CES5A: variants seen among roughly 807,000 people sequenced by gnomAD.
CES5A encodes the protein carboxylesterase 5.
CES5A carries 67 observed loss-of-function variants against 62.9 expected under a neutral mutation model. The ratio of observed to expected loss-of-function variants is 1.07; its 90% CI spans 0.88 to 1.31. The LOEUF (loss-of-function observed/expected upper bound fraction) is 1.31. Ranked by LOEUF, CES5A falls within the 50% of genes most tolerant of loss-of-function variation. The probability of loss-of-function intolerance (pLI) is 0.00; values close to 1 mark genes in which losing one functional copy is unlikely to be tolerated. For missense variants in CES5A, 748 were observed against 708.5 expected, an observed-to-expected ratio of 1.06 and a Z score of -0.63; for synonymous variants, 296 against 280.8, an observed-to-expected ratio of 1.05 and a Z score of -0.54.
At chr16:55,873,307 C>T (rs904542563) in intron 2 of CES5A, among the ~76,000 whole-genome samples, 2 of 152,114 alleles carry the variant, frequency 1.3e-5, no homozygotes, top group Admixed American at 6.5e-5. Context: ...GTTCATTCCA[C>T]GGGTATTTAT....
chr16:55,930,540 C>T (rs1381713519), intron 2 of CES5A, among the ~76,000 whole-genome samples: 1 of 152,176 alleles, frequency 6.6e-6, no homozygotes, highest in Non-Finnish European at 1.5e-5. Context: ...ATGCCTTGTG[C>T]CACCTTGGGA....
intron 3 of CES5A, among the ~76,000 whole-genome samples, chr16:55,871,244 C>T (rs772360888): frequency 1.3e-5 from 2 of 152,120 alleles, no homozygotes; most frequent in Non-Finnish European, 2.9e-5. Flanking sequence ...ACATGATTAC[C>T]TGACTGTCTT....
In CES5A at chr16:55,882,843, GCCTCCAGAGGGCTGGCCA is replaced by G. The variant is rs556522302; in HGVS notation, c.-255-8824_-255-8807del. 5.6e-3 allele frequency among the ~76,000 whole-genome samples: 852 copies of G among 152,300 alleles called. 9 individuals are homozygous for G. Among genetic ancestry groups the G allele is most frequent in the African/African-American group, 0.02 (814 of 41,572 alleles). On this transcript the variant is annotated intron_variant, in intron 1 of 12. Transcript: ENST00000518005. The stretch of plus-strand genomic sequence containing the variant: ...TATCTCCCACCCTCTGGAGCACAAA[GCCTCCAGAGGGCTGGCCA>G]CCTCTTGCTCATCCTGTCCATTGAG...
intron 9 of CES5A, among the ~76,000 whole-genome samples, chr16:55,855,087 T>C (rs1833182): frequency 0.81 from 122,844 of 152,142 alleles, 49,688 homozygotes; most frequent in East Asian, 0.91. Flanking sequence ...CCAAGAGAGC[T>C]GCCTGTCCCC....
chr16:55,850,242 C>A (rs146150114), intron 10 of CES5A, among the ~76,000 whole-genome samples: 384 of 152,204 alleles, frequency 2.5e-3, no homozygotes, highest in South Asian at 0.023. Flanking sequence ...GAAATCTGCC[C>A]CTTGAACCAT....
intron 4 of CES5A, among the ~76,000 whole-genome samples, chr16:55,867,290 C>A (rs1424847288): frequency 6.6e-6 from 1 of 152,212 alleles, no homozygotes; most frequent in Non-Finnish European, 1.5e-5. Flanking sequence ...TGCCCAAGAG[C>A]TAGAAAGCTG....
intron 1 of CES5A, among the ~76,000 whole-genome samples, chr16:55,889,133 A>G (rs1387509673): frequency 1.3e-5 from 2 of 151,850 alleles, no homozygotes; most frequent in Non-Finnish European, 2.9e-5. Flanking sequence ...GGCCTAAGAC[A>G]TAGAAAAAAA....
intron 1 of CES5A, among the ~76,000 whole-genome samples, chr16:55,889,673 T>C (rs1313961225): frequency 1.3e-5 from 2 of 151,782 alleles, no homozygotes; most frequent in Non-Finnish European, 2.9e-5. Context: ...TTTTTTTTAA[T>C]GGAGGCTTTA....
chr16:55,940,176 G>T (rs1436011459), intron 2 of CES5A, among the ~76,000 whole-genome samples: 2 of 151,952 alleles, frequency 1.3e-5, no homozygotes, highest in Non-Finnish European at 2.9e-5. Flanking sequence ...CCAGGAGAAA[G>T]AAAGCAGTAA....
chr16:55,866,178 G>A, intron 4 of CES5A, 62 bp from the exon 5 acceptor site: 3 of 1,534,676 alleles, frequency 2.0e-6, no homozygotes, highest in Non-Finnish European at 2.6e-6. Flanking sequence ...CACAGCCCTG[G>A]AAGTTCTCAG....
chr16:55,916,178 A>C (rs1445947134), intron 1 of CES5A, among the ~76,000 whole-genome samples: 1 of 152,166 alleles, frequency 6.6e-6, no homozygotes. Context: ...AGAAATGCAA[A>C]CACCTGAAAA....
chr16:55,954,439 G>A (rs747163819), intron 1 of CES5A, among the ~76,000 whole-genome samples: 5 of 152,296 alleles, frequency 3.3e-5, no homozygotes, highest in Non-Finnish European at 7.4e-5. Context: ...GCTCAGGAGC[G>A]GGAGAGGAGA....
intron 1 of CES5A, among the ~76,000 whole-genome samples, chr16:55,911,162 G>C (rs2034088422): frequency 6.6e-6 from 1 of 152,108 alleles, no homozygotes; most frequent in African/African-American, 2.4e-5. Context: ...CCATCTTGTT[G>C]CTCTGCCCCA....
rs747900232 is a variant in CES5A at position 55,873,936 on chromosome 16, C to A, written c.175G>T (p.Gly59Ter). The change falls in exon 2 of 13, where the codon GGA becomes TGA. Residue 59 changes from glycine (G) to a stop codon, truncating the protein, a stop_gained. Coordinates refer to ENST00000290567, the MANE Select transcript of CES5A (RefSeq NM_001143685.2). LOFTEE classifies it high-confidence loss of function. ...GSPVPVNVFL[G>*]VPFAAPPLGS... The stretch of plus-strand genomic sequence containing the variant: ...AGCGGGGGAGCAGCAAAGGGGACTC[C>A]GAGGAACACGTTCACAGGCACAGGG... 6.2e-7 allele frequency: 1 copy of A among 1,613,744 alleles called. No homozygotes were observed. Among genetic ancestry groups the A allele is most frequent in the Non-Finnish European group, 8.5e-7 (1 of 1,179,944 alleles).
intron 9 of CES5A, among the ~76,000 whole-genome samples, 154 bp from the exon 10 acceptor site, chr16:55,853,182 C>G (rs1346931063): frequency 6.6e-6 from 1 of 152,216 alleles, no homozygotes; most frequent in Non-Finnish European, 1.5e-5. Context: ...AAAACTAGCC[C>G]TGTTTCACAG....
intron 1 of CES5A, among the ~76,000 whole-genome samples, chr16:55,913,107 C>G (rs1296208037): frequency 1.3e-5 from 2 of 152,168 alleles, no homozygotes; most frequent in African/African-American, 4.8e-5. Flanking sequence ...TTTCCCCGAG[C>G]ATTCAGGGAT....
chr16:55,923,078 T>C (rs1281633880), intron 1 of CES5A, among the ~76,000 whole-genome samples: 1 of 151,418 alleles, frequency 6.6e-6, no homozygotes, highest in Non-Finnish European at 1.5e-5. Flanking sequence ...CACTTATATT[T>C]AAAAAGTAGA....
upstream of CES5A, among the ~76,000 whole-genome samples, chr16:55,877,184 T>A (rs559952862): frequency 2.6e-5 from 4 of 152,140 alleles, no homozygotes; most frequent in Admixed American, 1.3e-4. Context: ...ATCCCATAAC[T>A]CACACAGCCA....
intron 8 of CES5A, among the ~76,000 whole-genome samples, chr16:55,858,873 A>C (rs1341789157): frequency 6.6e-6 from 1 of 152,122 alleles, no homozygotes; most frequent in Admixed American, 6.5e-5. Context: ...CAGCTCAACA[A>C]TCACTCCCTA....
Sources: gnomAD v4.1 joint callset for allele counts (sites outside exome capture counted in the v4.1 genomes callset) on GRCh38, gnomAD v4.1.1 for gene constraint, MANE v1.5 for transcripts, NCBI Gene and HGNC (gene_info 2026-07-23, HGNC 2026-07-21) for gene names.